Variants in DCPH1 observed in about 807,000 individuals in gnomAD.
DCPH1 encodes the protein damage control phosphatase 1, also known as damage-control phosphatase 1.
chr6:151,464,385 C>T, the DCPH1 span: 1 of 1,114,106 alleles, frequency 9.0e-7, no homozygotes, highest in Non-Finnish European at 1.3e-6. Context: ...GTGCTATTTT[C>T]TTTCAAGAAC....
At chr6:151,464,526 A>G in the DCPH1 span, 1 of 1,611,018 alleles carries the variant, frequency 6.2e-7, no homozygotes, top group African/African-American at 1.3e-5. Flanking sequence ...GGAATCCATC[A>G]TTGCTTTATG....
the DCPH1 span, among the ~76,000 whole-genome samples, chr6:151,456,242 A>C: frequency 2.6e-5 from 4 of 152,238 alleles, no homozygotes; most frequent in East Asian, 7.7e-4. Flanking sequence ...TCTATTACAC[A>C]ATAGACTGTA....
the DCPH1 span, among the ~76,000 whole-genome samples, chr6:151,454,231 C>T: frequency 6.6e-6 from 1 of 152,270 alleles, no homozygotes; most frequent in Admixed American, 6.5e-5. Flanking sequence ...CTAATCCATT[C>T]CCTATCCTAT....
At chr6:151,467,257 A>C in the DCPH1 span, among the ~76,000 whole-genome samples, 1 of 151,850 alleles carries the variant, frequency 6.6e-6, no homozygotes, top group South Asian at 2.1e-4. Flanking sequence ...CTCAAAAAAA[A>C]AAAAAACAAA....
At chr6:151,458,550 A>C in the DCPH1 span, 1 of 1,610,832 alleles carries the variant, frequency 6.2e-7, no homozygotes, top group Non-Finnish European at 8.5e-7. Context: ...GTATCGAAGA[A>C]TTCATGAAGC....
chr6:151,470,066 G>C, the DCPH1 span: 1 of 152,198 alleles, frequency 6.6e-6, no homozygotes, highest in South Asian at 2.1e-4. Flanking sequence ...GAAATGTTTT[G>C]TTGCACTAAA....
At chr6:151,458,285 GACAC>G in the DCPH1 span, 13 of 1,542,758 alleles carry the variant, frequency 8.4e-6, no homozygotes, top group African/African-American at 5.5e-5. Flanking sequence ...GAATTGCACA[GACAC>G]ACACACACAC....
At chr6:151,462,915 G>T in the DCPH1 span, among the ~76,000 whole-genome samples, 1 of 152,184 alleles carries the variant, frequency 6.6e-6, no homozygotes, top group Non-Finnish European at 1.5e-5. Flanking sequence ...AAAGGGCCAG[G>T]TAGTAAATCT....
chr6:151,458,182 T>G, the DCPH1 span: 4 of 1,058,474 alleles, frequency 3.8e-6, no homozygotes, highest in Non-Finnish European at 5.3e-6. Context: ...ATTTTCAGTT[T>G]AAGAGTTCTA....
At chr6:151,455,871 C>A in the DCPH1 span, among the ~76,000 whole-genome samples, 1 of 152,292 alleles carries the variant, frequency 6.6e-6, no homozygotes, top group African/African-American at 2.4e-5. Context: ...GGCAGAGGTC[C>A]CTGCGGCCTT....
At chr6:151,453,176 C>G in the DCPH1 span, among the ~76,000 whole-genome samples, 1 of 152,164 alleles carries the variant, frequency 6.6e-6, no homozygotes, top group Admixed American at 6.5e-5. Context: ...TTGAGGCCAA[C>G]AAAGTGGCGC....
chr6:151,462,951 C>A, the DCPH1 span, among the ~76,000 whole-genome samples: 1 of 152,196 alleles, frequency 6.6e-6, no homozygotes, highest in Non-Finnish European at 1.5e-5. Context: ...CATGTGGTCT[C>A]TGTTGCAGCT....
At chr6:151,452,661 G>T in the DCPH1 span, 1 of 1,424,608 alleles carries the variant, frequency 7.0e-7, no homozygotes. Flanking sequence ...ACTAAGCGGA[G>T]GGCGCCCGCT....
At chr6:151,457,613 G>A in the DCPH1 span, among the ~76,000 whole-genome samples, 2 of 152,114 alleles carry the variant, frequency 1.3e-5, no homozygotes, top group Non-Finnish European at 2.9e-5. Flanking sequence ...AAGAAAGATT[G>A]GAGAGATGTT....
chr6:151,462,332 C>T, the DCPH1 span, among the ~76,000 whole-genome samples: 2 of 152,178 alleles, frequency 1.3e-5, no homozygotes, highest in Non-Finnish European at 2.9e-5. Flanking sequence ...CACTTTGAGT[C>T]CCTTTCCAGT....
chr6:151,458,210 A>G, the DCPH1 span: 1 of 1,308,640 alleles, frequency 7.6e-7, no homozygotes, highest in Non-Finnish European at 1.0e-6. Context: ...TGTTTAAAGA[A>G]ATAAAATGTA....
chr6:151,457,226 G>A, the DCPH1 span, among the ~76,000 whole-genome samples: 1 of 152,324 alleles, frequency 6.6e-6, no homozygotes, highest in African/African-American at 2.4e-5. Flanking sequence ...TGGCAGATGT[G>A]TGTCTCTTGG....
chr6:151,468,240 A>C, the DCPH1 span: 1 of 712,284 alleles, frequency 1.4e-6, no homozygotes. Flanking sequence ...AGTTTTGTAG[A>C]TATTTAGTAG....
At chr6:151,467,367 G>A in the DCPH1 span, among the ~76,000 whole-genome samples, 58 of 152,098 alleles carry the variant, frequency 3.8e-4, no homozygotes, top group African/African-American at 1.3e-3. Flanking sequence ...GGGAGGCCAC[G>A]GCAGGAGGAT....
Sources: allele counts gnomAD v4.1 joint callset (sites outside exome capture counted in the v4.1 genomes callset), GRCh38; gene constraint gnomAD v4.1.1; transcripts MANE v1.5; gene names NCBI Gene and HGNC (gene_info 2026-07-23, HGNC 2026-07-21).